Variants in PGM3 observed in about 807,000 individuals in gnomAD.
PGM3 encodes phosphoacetylglucosamine mutase.
In PGM3, 40 loss-of-function variants were observed where a neutral mutation model predicts 66.2. The ratio of observed to expected loss-of-function variants is 0.60; its 90% confidence interval spans 0.47 to 0.79. The LOEUF (loss-of-function observed/expected upper bound fraction) is 0.79, where lower values mean the gene tolerates loss of function less well. Among genes scored for constraint, PGM3 ranks in the 30% least tolerant of loss-of-function variants. The pLI, the probability that PGM3 is intolerant of heterozygous loss-of-function variation, is 0.00. For synonymous variants in PGM3, 191 were observed against 224.2 expected, an observed-to-expected ratio of 0.85 and a Z score of 1.32; for missense variants, 537 against 643.4, an observed-to-expected ratio of 0.83 and a Z score of 1.79.
chr6:83,150,887 G>A, the PGM3 span, among the ~76,000 whole-genome samples: 1 of 152,032 alleles, frequency 6.6e-6, no homozygotes, highest in African/African-American at 2.4e-5. Flanking sequence ...TTTGTAAAAA[G>A]TCAACATACC....
At position 83,193,196 on chromosome 6, in the gene PGM3, C is replaced by T. The variant is rs1259420215; in HGVS notation, c.-20G>A. The T allele has an allele frequency of 6.6e-6, 1 of 152,456 alleles. No individual in the cohort carries two copies. Among genetic ancestry groups the T allele is most frequent in the Non-Finnish European group, 1.5e-5 (1 of 68,232 alleles). The allele number at this position is 152,456 out of a possible 1,614,324, so 9.4% of individuals were successfully genotyped here. On this transcript the variant is annotated 5_prime_UTR_variant, in exon 1 of 13. Transcript: ENST00000513973. Reference sequence around the variant, plus strand: ...CGGCTTACCTCGGTCAGGAAGCCCCCTTCACCTACACGCAGCGGAGAAGCG... The same window carrying T: ...CGGCTTACCTCGGTCAGGAAGCCCCTTTCACCTACACGCAGCGGAGAAGCG...
chr6:83,178,416 AC>A (rs1787933564), intron 8 of PGM3, among the ~76,000 whole-genome samples: 1 of 152,242 alleles, frequency 6.6e-6, no homozygotes, highest in Non-Finnish European at 1.5e-5. Flanking sequence ...CTTTAGAAAG[AC>A]TTACATTCAT....
chr6:83,164,795 TG>T (rs1362973826), downstream of PGM3: 3 of 1,219,730 alleles, frequency 2.5e-6, no homozygotes, highest in Non-Finnish European at 2.3e-6. Context: ...CAGGTCTGAA[TG>T]TCAACAAGTA....
the PGM3 span, chr6:83,148,794 C>A: frequency 1.3e-6 from 2 of 1,561,928 alleles, no homozygotes; most frequent in African/African-American, 1.4e-5. Context: ...AGCTGGGCGT[C>A]ACTGTTGATA....
At chr6:83,193,612 G>A (rs189465164), upstream of PGM3, among the ~76,000 whole-genome samples, 115 of 152,238 alleles carry the variant, frequency 7.6e-4, no homozygotes, top group Middle Eastern at 3.4e-3. Flanking sequence ...GGGCGGGGGT[G>A]GGGAATCAGC....
intron 10 of PGM3, among the ~76,000 whole-genome samples, chr6:83,173,806 G>T (rs912741657): frequency 6.6e-6 from 1 of 152,122 alleles, no homozygotes; most frequent in Non-Finnish European, 1.5e-5. Context: ...GCGTGATCTT[G>T]GCTCACTGCA....
At chr6:83,152,194 T>TAC in the PGM3 span, 9 of 735,384 alleles carry the variant, frequency 1.2e-5, no homozygotes, top group African/African-American at 1.9e-5. Context: ...CATATATATA[T>TAC]ACATATATAA....
intron 4 of PGM3, among the ~76,000 whole-genome samples, chr6:83,184,247 A>G (rs940019986): frequency 6.6e-6 from 1 of 152,234 alleles, no homozygotes; most frequent in African/African-American, 2.4e-5. Flanking sequence ...CCAGTAACCA[A>G]TAAGTAAATA....
intron 1 of PGM3, among the ~76,000 whole-genome samples, chr6:83,192,406 A>G (rs2128512600): frequency 6.6e-6 from 1 of 152,342 alleles, no homozygotes; most frequent in East Asian, 1.9e-4. Context: ...TCCTGGGTCA[A>G]TTAATTCCCA....
At chr6:83,172,210 C>T in intron 10 of PGM3, 151 bp from the exon 11 acceptor site, 1 of 739,700 alleles carries the variant, frequency 1.4e-6, no homozygotes, top group Non-Finnish European at 2.2e-6. Flanking sequence ...TGAAAAATTC[C>T]ACACCTGGCC....
At chr6:83,176,237 C>T (rs1410917857) in intron 8 of PGM3, 177 bp from the exon 9 acceptor site, 2 of 507,594 alleles carry the variant, frequency 3.9e-6, no homozygotes, top group Non-Finnish European at 7.1e-6. Context: ...TGAACACACT[C>T]TGGAAGCACG....
Position 83,179,809 on chromosome 6 carries a change from C to G in PGM3, c.945+1G>C. 6.2e-7 allele frequency: 1 copy of G among 1,607,012 alleles called. No individual in the cohort carries two copies. The highest frequency in any genetic ancestry group is 8.5e-7 in the Non-Finnish European group (1 of 1,176,548). Reference sequence around the variant, plus strand: ...GAGGGTAGCCAATCCCCCCACCATACCTCCACCAGGAGCTCTTTAAGGAAA... The same window carrying G: ...GAGGGTAGCCAATCCCCCCACCATAGCTCCACCAGGAGCTCTTTAAGGAAA... On this transcript the variant is annotated splice_donor_variant, in intron 7 of 12. Coordinates refer to ENST00000513973, the MANE Select transcript of PGM3 (RefSeq NM_015599.3). LOFTEE classifies it high-confidence loss of function.
chr6:83,162,961 A>G (rs1262744194), downstream of PGM3: 2 of 1,576,836 alleles, frequency 1.3e-6, no homozygotes, highest in East Asian at 2.2e-5. Context: ...ACATCACTAC[A>G]TGTTGCATTA....
At chr6:83,169,810 A>T (rs1328734620) in intron 12 of PGM3, 2 of 457,498 alleles carry the variant, frequency 4.4e-6, no homozygotes, top group Admixed American at 4.7e-5. Context: ...AAGAGGCCAA[A>T]TAATAAAAAT....
At chr6:83,177,703 G>A (rs566605188) in intron 8 of PGM3, among the ~76,000 whole-genome samples, 6 of 152,268 alleles carry the variant, frequency 3.9e-5, no homozygotes, top group East Asian at 3.9e-4. Context: ...CCAATAGCCC[G>A]ATTTTAATAA....
At chr6:83,191,307 A>C (rs759095208) in intron 1 of PGM3, 11 of 1,338,000 alleles carry the variant, frequency 8.2e-6, no homozygotes, top group South Asian at 5.0e-5. Context: ...GGCACACTTA[A>C]ATTGGTCCAC....
downstream of PGM3, chr6:83,156,209 T>A (rs1159060489): frequency 2.3e-6 from 2 of 877,286 alleles, no homozygotes; most frequent in Non-Finnish European, 3.3e-6. Context: ...CAAGTGTAGA[T>A]CAATCGGGAA....
downstream of PGM3, among the ~76,000 whole-genome samples, chr6:83,163,425 C>A (rs1784705686): frequency 6.6e-6 from 1 of 152,044 alleles, no homozygotes; most frequent in Non-Finnish European, 1.5e-5. Context: ...GAAGATTATA[C>A]ATTTTAAATT....
At chr6:83,170,879 T>G (rs1745251092) in intron 11 of PGM3, 1 of 160,988 alleles carries the variant, frequency 6.2e-6, no homozygotes, top group African/African-American at 2.4e-5. Context: ...TACCTCCAAT[T>G]GTCTTTCACA....
Sources: gnomAD v4.1 joint callset for allele counts (sites outside exome capture counted in the v4.1 genomes callset) on GRCh38, gnomAD v4.1.1 for gene constraint, MANE v1.5 for transcripts, NCBI Gene and HGNC (gene_info 2026-07-23, HGNC 2026-07-21) for gene names.